The following PCNX2 variants were observed in gnomAD, a reference collection of about 807,000 sequenced individuals.
The protein encoded by PCNX2 is pecanex 2, also known as pecanex-like protein 2.
Under a neutral mutation model 223.8 loss-of-function variants are expected in PCNX2, and 168 were observed. The observed-to-expected ratio is 0.75, with a 90% CI of 0.66 to 0.85. PCNX2 has a LOEUF of 0.85. PCNX2 is among the 40% of genes least tolerant of loss of function. PCNX2 has a pLI of 0.00. For missense variants in PCNX2, 2,507 were observed against 2,675.5 expected (o/e 0.94, Z 1.39); for synonymous variants, 1,006 against 1,052.6 (o/e 0.96, Z 0.86).
At chr1:232,986,628 G>T in intron 32 of PCNX2, 88 bp from the exon 33 acceptor site, 1 of 1,281,258 alleles carries the variant, frequency 7.8e-7, no homozygotes, top group East Asian at 2.6e-5. Context: ...TGCTCTGCCT[G>T]GGCCCAAGGA....
In PCNX2 at chr1:233,191,473, G is replaced by A. The variant is rs1680414650; in HGVS notation, c.3066+7466C>T. On this transcript the variant is annotated intron_variant, in intron 15 of 33. Transcript: ENST00000258229. ...GTCCAAATGGCATCAAGAACATCAA[G>A]AACAAGATCTCCCTCTCCCTAGAGC... Among the ~76,000 whole-genome samples, 4 of 152,218 alleles carry A rather than the reference G, an allele frequency of 2.6e-5. No homozygotes were observed. The South Asian group carries it at 8.3e-4, about 32-fold the overall frequency.
At chr1:233,309,777 C>T in the PCNX2 span, among the ~76,000 whole-genome samples, 2 of 151,770 alleles carry the variant, frequency 1.3e-5, no homozygotes, top group African/African-American at 4.8e-5. Flanking sequence ...ACTCAGGCGG[C>T]TGAGGTGTGA....
chr1:233,100,223 G>A (rs1571867593), intron 21 of PCNX2, among the ~76,000 whole-genome samples: 1 of 152,058 alleles, frequency 6.6e-6, no homozygotes, highest in East Asian at 1.9e-4. Flanking sequence ...GAACAGCCTG[G>A]CCAATGTGGT....
At chr1:233,314,179 A>G in the PCNX2 span, among the ~76,000 whole-genome samples, 3 of 152,214 alleles carry the variant, frequency 2.0e-5, no homozygotes, top group South Asian at 2.1e-4. Context: ...GTTAAAGACA[A>G]TGAGGCAACT....
chr1:233,223,212 C>CT (rs1657495410), intron 10 of PCNX2, among the ~76,000 whole-genome samples: 1 of 152,148 alleles, frequency 6.6e-6, no homozygotes, highest in African/African-American at 2.4e-5. Flanking sequence ...GAAATTAACT[C>CT]TGTCAAATAC....
At position 233,199,038 on chromosome 1, in the gene PCNX2, A is replaced by G; in HGVS notation, c.2975-8T>C. On this transcript the variant is annotated splice_region_variant and splice_polypyrimidine_tract_variant and intron_variant, in intron 14 of 33. Coordinates refer to ENST00000258229, the MANE Select transcript of PCNX2 (RefSeq NM_014801.4). Reference sequence around the variant, plus strand: ...AGGTTATCCCAGACACAGCTGGAACACAAACATCAACAGTTCTTTTCTAGA... The same window carrying G: ...AGGTTATCCCAGACACAGCTGGAACGCAAACATCAACAGTTCTTTTCTAGA... 6.4e-7 allele frequency: 1 copy of G among 1,557,982 alleles called. No individual in the cohort carries two copies. Among genetic ancestry groups the G allele is most frequent in the Non-Finnish European group, 8.7e-7 (1 of 1,152,046 alleles).
intron 19 of PCNX2, among the ~76,000 whole-genome samples, chr1:233,144,213 T>G (rs1246151250): frequency 6.6e-6 from 1 of 152,120 alleles, no homozygotes; most frequent in African/African-American, 2.4e-5. Flanking sequence ...TCTTTTGGCC[T>G]TACATTTTCT....
intron 8 of PCNX2, among the ~76,000 whole-genome samples, chr1:233,243,395 C>T (rs914851103): frequency 6.6e-6 from 1 of 152,106 alleles, no homozygotes; most frequent in African/African-American, 2.4e-5. Flanking sequence ...TGGCTTACAG[C>T]CCCAAGTAGG....
Position 233,252,353 on chromosome 1 carries a change from C to T in PCNX2, c.2128+1G>A, listed in dbSNP as rs1365282303. The stretch of plus-strand genomic sequence containing the variant: ...ATTAGTAAAGAGCTCCAAAGACTCA[C>T]CATGTTCATCAATGAAGACATGCAT... On this transcript the variant is annotated splice_donor_variant, in intron 7 of 33. Transcript: ENST00000258229. LOFTEE classifies it high-confidence loss of function. 1 of 1,603,142 alleles carries T rather than the reference C, an allele frequency of 6.2e-7. No homozygotes were observed.
chr1:232,999,277 G>A lies in PCNX2; in HGVS notation c.5431C>T (p.Gln1811Ter). Residue 1811 changes from glutamine (Q) to a stop codon, truncating the protein, a stop_gained, in exon 31 of 34, where the codon CAG becomes TAG. Transcript: ENST00000258229. LOFTEE classifies it high-confidence loss of function. ...GAGTTAATCAAGTTCCGCAGGACCT[G>A]CTTATTGTTCTGGATACTGCCGCGC... ...PERGSIQNNK[Q>*]VLRNLINSSC... 1 of 1,612,662 alleles carries A rather than the reference G, an allele frequency of 6.2e-7. No homozygotes were observed. Among genetic ancestry groups the A allele is most frequent in the Non-Finnish European group, 8.5e-7 (1 of 1,179,328 alleles).
intron 15 of PCNX2, among the ~76,000 whole-genome samples, chr1:233,190,350 AG>A (rs750458005): frequency 5.9e-5 from 9 of 152,184 alleles, no homozygotes; most frequent in Non-Finnish European, 8.8e-5. Context: ...TTGTTTCCTA[AG>A]GACCCTCTTG....
chr1:233,293,193 A>C lies in PCNX2; in HGVS notation c.153+2133T>G, dbSNP rs146253440. On this transcript the variant is annotated intron_variant, in intron 1 of 33. Coordinates refer to ENST00000258229, the MANE Select transcript of PCNX2 (RefSeq NM_014801.4). ...AATGAGCCCATATGCATAGGAAAAAACATCTGCAGGAACACAACATTAAAT... is the reference window on the plus strand; with the variant it reads ...AATGAGCCCATATGCATAGGAAAAACCATCTGCAGGAACACAACATTAAAT... Among the ~76,000 whole-genome samples, 536 of 152,330 alleles carry C rather than the reference A, an allele frequency of 3.5e-3. 2 individuals are homozygous for C. The highest frequency in any genetic ancestry group is 6.0e-3 in the South Asian group (29 of 4,832).
At chr1:233,303,514 C>CA in the PCNX2 span, among the ~76,000 whole-genome samples, 21 of 152,136 alleles carry the variant, frequency 1.4e-4, no homozygotes, top group Admixed American at 5.2e-4. Flanking sequence ...GACCCTGTCT[C>CA]AAAAAATCAT....
At chr1:233,235,642 C>A (rs1658339605) in intron 9 of PCNX2, among the ~76,000 whole-genome samples, 4 of 152,110 alleles carry the variant, frequency 2.6e-5, no homozygotes, top group South Asian at 4.1e-4. Flanking sequence ...CGCTCTGTTG[C>A]CCAGGTTGGA....
At chr1:233,089,731 T>C (rs1572092788) in intron 23 of PCNX2, 1 of 342,104 alleles carries the variant, frequency 2.9e-6, no homozygotes, top group East Asian at 1.1e-4. Flanking sequence ...AGGGGCCATC[T>C]TGGCATATCA....
At chr1:233,264,725 T>G (rs911299478) in intron 1 of PCNX2, among the ~76,000 whole-genome samples, 1 of 152,098 alleles carries the variant, frequency 6.6e-6, no homozygotes, top group Non-Finnish European at 1.5e-5. Flanking sequence ...AGATAAGGTT[T>G]ATATTTACAA....
chr1:233,061,306 T>A (rs1672396347), intron 23 of PCNX2, among the ~76,000 whole-genome samples: 1 of 152,228 alleles, frequency 6.6e-6, no homozygotes, highest in South Asian at 2.1e-4. Context: ...ATGCACAAGG[T>A]ACAGCTAGGT....
At chr1:233,254,850 GTA>G (rs1182863813) in intron 5 of PCNX2, among the ~76,000 whole-genome samples, 1 of 151,730 alleles carries the variant, frequency 6.6e-6, no homozygotes, top group African/African-American at 2.4e-5. Flanking sequence ...ACTGATAATG[GTA>G]TAATTTAAAT....
At chr1:233,274,029 G>C (rs1660786416) in intron 1 of PCNX2, among the ~76,000 whole-genome samples, 1 of 152,170 alleles carries the variant, frequency 6.6e-6, no homozygotes, top group East Asian at 1.9e-4. Flanking sequence ...ATTACATTGT[G>C]ATAAAGTCAT....
Sources: allele counts gnomAD v4.1 joint callset (sites outside exome capture counted in the v4.1 genomes callset), GRCh38; gene constraint gnomAD v4.1.1; transcripts MANE v1.5; gene names NCBI Gene and HGNC (gene_info 2026-07-23, HGNC 2026-07-21).